The following TMEM64 variants were observed in gnomAD, a reference collection of about 807,000 sequenced individuals.
TMEM64 encodes transmembrane protein 64.
In TMEM64, 19 loss-of-function variants were observed where a neutral mutation model predicts 24.5. The observed-to-expected ratio is 0.78, with a 90% CI of 0.54 to 1.14. The LOEUF is 1.14. TMEM64 is among the 50% of genes most tolerant of loss of function. The probability of loss-of-function intolerance (pLI) is 0.00; values close to 1 mark genes in which losing one functional copy is unlikely to be tolerated. For synonymous variants in TMEM64, 262 were observed against 224.7 expected (o/e 1.17, Z -1.49); for missense variants, 487 against 493.0 (o/e 0.99, Z 0.12).
chr8:90,631,503 A>T (rs753282258), intron 2 of TMEM64, 49 bp downstream of exon 2: 2 of 1,427,872 alleles, frequency 1.4e-6, no homozygotes, highest in Non-Finnish European at 1.9e-6. Context: ...AATGCCATAC[A>T]AAAAGAAACA....
At position 90,624,583 on chromosome 8, in the gene TMEM64, A is replaced by G. The variant is rs1809327223; in HGVS notation, c.*1088T>C. The stretch of plus-strand genomic sequence containing the variant: ...AATTCCTGAGTCTTATCAGAGAAAA[A>G]CAAGTACTGAAAAAACAAACACAAT... On this transcript the variant is annotated 3_prime_UTR_variant, in exon 3 of 3. Transcript: ENST00000458549. 6.6e-6 allele frequency: 1 copy of G among 152,524 alleles called. No individual in the cohort carries two copies. The highest frequency in any genetic ancestry group is 6.5e-5 in the Admixed American group (1 of 15,272). The allele number at this position is 152,524 out of a possible 1,614,324, so 9.4% of individuals were successfully genotyped here.
At chr8:90,637,334 A>G (rs997335599) in intron 1 of TMEM64, among the ~76,000 whole-genome samples, 1 of 152,172 alleles carries the variant, frequency 6.6e-6, no homozygotes, top group Non-Finnish European at 1.5e-5. Context: ...CTTTTTACAC[A>G]ATGGCTTTAC....
intron 1 of TMEM64, among the ~76,000 whole-genome samples, chr8:90,635,417 G>A (rs146625886): frequency 1.4e-5 from 2 of 139,990 alleles, no homozygotes; most frequent in Admixed American, 1.4e-4. Flanking sequence ...TTTTTGAGAC[G>A]GACTCTTCGC....
chr8:90,627,695 T>C (rs1809379527), intron 2 of TMEM64, among the ~76,000 whole-genome samples: 1 of 152,066 alleles, frequency 6.6e-6, no homozygotes, highest in Non-Finnish European at 1.5e-5. Flanking sequence ...CTGGATTTGC[T>C]GTAAAAAAGT....
At position 90,631,415 on chromosome 8, in the gene TMEM64, T is replaced by C. The variant is rs1809434053; in HGVS notation, c.951+137A>G. Reference sequence around the variant, plus strand: ...ATTTTAATGTTGTCAAAATATGTAGTAGTAATGAAAGAACCAAGAAAAAAA... The same window carrying C: ...ATTTTAATGTTGTCAAAATATGTAGCAGTAATGAAAGAACCAAGAAAAAAA... On this transcript the variant is annotated intron_variant, in intron 2 of 2. Coordinates refer to ENST00000458549, the MANE Select transcript of TMEM64 (RefSeq NM_001008495.4). 4.8e-6 allele frequency: 3 copies of C among 627,648 alleles called. No homozygotes were observed. In the South Asian group the frequency reaches 1.1e-4, roughly 23 times the overall value. The allele number at this position is 627,648 out of a possible 1,614,324, so 38.9% of individuals were successfully genotyped here. A position where few individuals can be genotyped will look rare whatever the true frequency, so the allele number is the denominator to read the frequency against.
At chr8:90,635,367 CATTTT>C (rs540790616) in intron 1 of TMEM64, among the ~76,000 whole-genome samples, 8,108 of 149,262 alleles carry the variant, frequency 0.054, 333 homozygotes, top group African/African-American at 0.12. Flanking sequence ...GCTTCCAAAT[CATTTT>C]ATTTTATTTT....
At chr8:90,631,841 G>T in intron 1 of TMEM64, 134 bp from the exon 2 acceptor site, 1 of 611,792 alleles carries the variant, frequency 1.6e-6, no homozygotes, top group Non-Finnish European at 2.6e-6. Context: ...AGTATTCTGA[G>T]TTTACAAAAT....
Position 90,645,214 on chromosome 8 carries a change from A to T in TMEM64, c.692T>A (p.Leu231Gln). The T allele has an allele frequency of 6.2e-7, 1 of 1,614,204 alleles. No individual in the cohort carries two copies. Among genetic ancestry groups the T allele is most frequent in the Non-Finnish European group, 8.5e-7 (1 of 1,180,036 alleles). ...VAARIQSSEKLSAVIRVVEGG... is the reference protein window; with the variant it reads ...VAARIQSSEKQSAVIRVVEGG... ...CTCCACTACGCGAATAACCGCGCTC[A>T]GCTTCTCGCTGCTCTGGATCCTGGC... Residue 231 changes from leucine to glutamine, a missense_variant, in exon 1 of 3, where the codon CTG becomes CAG. By Grantham distance (113) the Leu-to-Gln change is moderately radical. This residue lies in a region of TMEM64 where 419 missense variants were observed against 407.5 expected (regional missense o/e 1.03). Coordinates refer to ENST00000458549, the MANE Select transcript of TMEM64 (RefSeq NM_001008495.4). This position sits in a 1 kb window ranked among gnomAD's most constrained non-coding sequence, Gnocchi z 4.2.
At chr8:90,628,869 C>T (rs1390712908) in intron 2 of TMEM64, among the ~76,000 whole-genome samples, 1 of 152,168 alleles carries the variant, frequency 6.6e-6, no homozygotes, top group Non-Finnish European at 1.5e-5. Flanking sequence ...TGTAAATATA[C>T]TGAAATCTGA....
rs1738687091 is a variant in TMEM64, at chr8:90,645,879, G to C, written c.27C>G (p.Leu9=). 8.8e-7 allele frequency: 1 copy of C among 1,138,670 alleles called. No homozygotes were observed. The highest frequency in any genetic ancestry group is 1.1e-6 in the Non-Finnish European group (1 of 928,328). 70.5% of individuals were successfully genotyped at this position (1,138,670 alleles called of 1,614,324 possible). A position where few individuals can be genotyped will look rare whatever the true frequency, so the allele number is the denominator to read the frequency against. The stretch of plus-strand genomic sequence containing the variant: ...GCTGCAGCAGCCGGGGCAGCGCCTG[G>C]AGCAGGATCCCGCCCGGGCTCCGCA... MRSPGGIL[L]QALPRLLQHA... Residue 9 remains leucine, a synonymous_variant, in exon 1 of 3, where the codon CTC becomes CTG. Coordinates refer to ENST00000458549, the MANE Select transcript of TMEM64 (RefSeq NM_001008495.4). This position sits in a 1 kb window ranked among gnomAD's most constrained non-coding sequence, Gnocchi z 4.2.
intron 2 of TMEM64, among the ~76,000 whole-genome samples, chr8:90,627,742 T>C (rs1809379899): frequency 6.6e-6 from 1 of 152,042 alleles, no homozygotes. Context: ...GCTAGGATCT[T>C]CAAAAACACA....
intron 1 of TMEM64, among the ~76,000 whole-genome samples, chr8:90,638,579 A>G (rs188862666): frequency 1.8e-4 from 28 of 152,274 alleles, no homozygotes; most frequent in African/African-American, 6.5e-4. Context: ...TCTGTGAGGA[A>G]AGGGATCTGT....
chr8:90,638,459 G>A (rs1586130158), intron 1 of TMEM64, among the ~76,000 whole-genome samples: 1 of 152,112 alleles, frequency 6.6e-6, no homozygotes, highest in Admixed American at 6.5e-5. Flanking sequence ...TTTGTTAAGT[G>A]CTTTCAAGTG....
At chr8:90,638,910 G>A (rs1416833011) in intron 1 of TMEM64, among the ~76,000 whole-genome samples, 1 of 152,136 alleles carries the variant, frequency 6.6e-6, no homozygotes, top group East Asian at 1.9e-4. Flanking sequence ...CCTCAAGGGA[G>A]AGACTTTCTT....
chr8:90,645,141 T>C lies in TMEM64; in HGVS notation c.765A>G (p.Ile255Met). Reference sequence around the variant, plus strand: ...ACACTGCATTCTGAAGCCCAAAAGGTATGGGTGTCAGTCTGGCCAGCGCCA... The same window carrying C: ...ACACTGCATTCTGAAGCCCAAAAGGCATGGGTGTCAGTCTGGCCAGCGCCA... ...KVVALARLTPIPFGLQNAVFS... is the reference protein window; with the variant it reads ...KVVALARLTPMPFGLQNAVFS... Residue 255 changes from isoleucine to methionine, a missense_variant, in exon 1 of 3, where the codon ATA becomes ATG. Physicochemically the swap from Ile to Met is conservative, Grantham distance 10. Coordinates refer to ENST00000458549, the MANE Select transcript of TMEM64 (RefSeq NM_001008495.4). This position sits in a 1 kb window ranked among gnomAD's most constrained non-coding sequence, Gnocchi z 4.2. 1.2e-6 allele frequency: 2 copies of C among 1,612,584 alleles called. No individual in the cohort carries two copies. The highest frequency in any genetic ancestry group is 1.7e-6 in the Non-Finnish European group (2 of 1,178,942).
intron 1 of TMEM64, among the ~76,000 whole-genome samples, chr8:90,634,980 G>C (rs1809493789): frequency 6.6e-6 from 1 of 152,094 alleles, no homozygotes; most frequent in African/African-American, 2.4e-5. Context: ...TGCTGATTTG[G>C]AAAGAATATT....
chr8:90,641,997 C>G (rs16905044), intron 1 of TMEM64, among the ~76,000 whole-genome samples: 26,089 of 152,120 alleles, frequency 0.17, 4,750 homozygotes, highest in African/African-American at 0.46. Context: ...GAACCAATCT[C>G]ATTTCAAGTT....
intron 1 of TMEM64, among the ~76,000 whole-genome samples, chr8:90,642,421 C>A (rs370031452): frequency 8.8e-6 from 1 of 113,582 alleles, no homozygotes. Context: ...GAATTTTTTT[C>A]TTTAAAAAAA....
rs75193995 is a variant in TMEM64 at position 90,625,701 on chromosome 8, T to C, written c.1113A>G (p.Thr371=). 1,150 of 1,613,664 alleles carry C rather than the reference T, an allele frequency of 7.1e-4. 10 individuals carry two copies. The African/African-American group carries it at 0.013, about 19-fold the overall frequency. The change falls in exon 3 of 3, where the codon ACA becomes ACG. Residue 371 remains threonine, a synonymous_variant. Transcript: ENST00000458549. ...CAACATTGATTCCACCTCCAGAAAA[T>C]GTTAGGGTCCTCTTGTTGTAGAATG... ...GSSFYNKRTL[T]FSGGGINVV is the part of the protein sequence containing the mutation.
Sources: gnomAD v4.1 joint callset for allele counts (sites outside exome capture counted in the v4.1 genomes callset) on GRCh38, gnomAD v4.1.1 for gene constraint, gnomAD v4.1.1 regional missense constraint, Gnocchi (gnomAD v3.1) non-coding constraint, MANE v1.5 for transcripts, NCBI Gene and HGNC (gene_info 2026-07-23, HGNC 2026-07-21) for gene names.